CCDC93: variants seen among roughly 807,000 people sequenced by gnomAD.
CCDC93 encodes coiled-coil domain-containing protein 93.
A neutral mutation model predicts 108.2 loss-of-function variants in CCDC93; 61 were observed. The observed-to-expected ratio is 0.56, with a 90% confidence interval of 0.46 to 0.70. CCDC93 has a LOEUF of 0.70. Ranked by LOEUF, CCDC93 falls within the 30% of genes least tolerant of loss-of-function variation. CCDC93 has a pLI of 0.00. For synonymous variants in CCDC93, 276 were observed against 260.4 expected (o/e 1.06, Z -0.58); for missense variants, 685 against 764.2 (o/e 0.90, Z 1.22).
intron 10 of CCDC93, 143 bp downstream of exon 10, chr2:117,974,707 A>T (rs977496498): frequency 1.5e-6 from 1 of 649,810 alleles, no homozygotes; most frequent in African/African-American, 1.8e-5. Flanking sequence ...AAACAGATTA[A>T]CAAAAGGAAC....
chr2:117,933,078 G>T (rs902458285), intron 22 of CCDC93, among the ~76,000 whole-genome samples: 2 of 152,202 alleles, frequency 1.3e-5, no homozygotes, highest in Non-Finnish European at 2.9e-5. Flanking sequence ...GAAAGGCTGG[G>T]TTCAAATCCT....
intron 11 of CCDC93, among the ~76,000 whole-genome samples, chr2:117,959,144 G>A (rs1229188183): frequency 3.3e-5 from 5 of 152,158 alleles, no homozygotes; most frequent in African/African-American, 7.2e-5. Flanking sequence ...ATGATGAGGT[G>A]AATGTGATAA....
intron 10 of CCDC93, 36 bp downstream of exon 10, chr2:117,974,814 A>C (rs1475814648): frequency 2.0e-6 from 3 of 1,521,822 alleles, no homozygotes; most frequent in Non-Finnish European, 2.7e-6. Flanking sequence ...GGTGGTGCCA[A>C]GTCCCCATCC....
Position 117,952,429 on chromosome 2 carries a change from C to T in CCDC93, c.1012G>A (p.Ala338Thr). Reference sequence around the variant, plus strand: ...CTGGCTTGTAGGCTGGTGTGACTTGCTCGCAGCTGTAAATGAAAGATAAAA... The same window carrying T: ...CTGGCTTGTAGGCTGGTGTGACTTGTTCGCAGCTGTAAATGAAAGATAAAA... ...QKTKHLEELR[A>T]SHTSLQARYN... Residue 338 changes from alanine (A) to threonine (T), a missense_variant, in exon 13 of 24, where the codon GCA becomes ACA. Transcript: ENST00000376300. The T allele has an allele frequency of 6.2e-7, 1 of 1,611,668 alleles. No homozygotes were observed. The highest frequency in any genetic ancestry group is 8.5e-7 in the Non-Finnish European group (1 of 1,177,766).
At chr2:117,998,469 G>C (rs114556405) in intron 4 of CCDC93, 2 of 152,262 alleles carry the variant, frequency 1.3e-5, no homozygotes, top group African/African-American at 4.8e-5. Context: ...AAGCAAGATT[G>C]TAGTTATTTT....
intron 21 of CCDC93, 85 bp from the exon 22 acceptor site, chr2:117,935,664 AT>A: frequency 9.8e-7 from 1 of 1,025,122 alleles, no homozygotes; most frequent in Non-Finnish European, 1.5e-6. Flanking sequence ...CTGTATCCAG[AT>A]TATGACTCTT....
chr2:117,933,966 T>A (rs577366905), intron 22 of CCDC93: 1 of 152,268 alleles, frequency 6.6e-6, no homozygotes, highest in East Asian at 1.9e-4. Flanking sequence ...TTGACCCATT[T>A]GGCACCCACC....
Position 117,983,515 on chromosome 2 carries a change from G to C in CCDC93, c.620+2454C>G, listed in dbSNP as rs190536268. Among the ~76,000 whole-genome samples, 16 of 152,154 alleles carry C rather than the reference G, an allele frequency of 1.1e-4. No individual in the cohort carries two copies. The East Asian group carries it at 2.5e-3, about 24-fold the overall frequency. On this transcript the variant is annotated intron_variant, in intron 7 of 23. Coordinates refer to ENST00000376300, the MANE Select transcript of CCDC93 (RefSeq NM_019044.5). ...TGTAAGGGGAAAAGGTCATATCTGA[G>C]GGCATTTGAAAACTGAACTGTTGCT...
intron 23 of CCDC93, among the ~76,000 whole-genome samples, chr2:117,923,979 G>T (rs543955801): frequency 6.6e-6 from 1 of 152,154 alleles, no homozygotes; most frequent in East Asian, 1.9e-4. Flanking sequence ...ACCAATATCC[G>T]CTGTTCTGCA....
intron 3 of CCDC93, chr2:118,001,230 T>A (rs1680842790): frequency 1.3e-5 from 3 of 235,850 alleles, no homozygotes; most frequent in Non-Finnish European, 1.6e-5. Flanking sequence ...GTCGTTACTA[T>A]TTTTTAACTT....
chr2:117,944,035 G>C lies in CCDC93; in HGVS notation c.1402C>G (p.Arg468Gly). 1 of 1,603,778 alleles carries C rather than the reference G, an allele frequency of 6.2e-7. No individual in the cohort carries two copies. Among genetic ancestry groups the C allele is most frequent in the Non-Finnish European group, 8.5e-7 (1 of 1,175,456 alleles). ...NMEKEKLYKI[R>G]LLQARRNREI... ...CTTCTTTTACTCACCTGTAGTAAAC[G>C]TATCTTGTAAAGTTTCTCTTTCTCC... The change falls in exon 18 of 24, where the codon CGT (arginine) becomes GGT (glycine). Residue 468 changes from arginine (R) to glycine (G), a missense_variant. Physicochemically the swap from Arg to Gly is moderately radical, Grantham distance 125. Transcript: ENST00000376300.
chr2:117,967,744 C>G (rs542384751), intron 11 of CCDC93, among the ~76,000 whole-genome samples: 1 of 152,288 alleles, frequency 6.6e-6, no homozygotes, highest in Admixed American at 6.5e-5. Context: ...GATATAATAT[C>G]ACGTACTCAT....
rs984758099 is a variant in CCDC93 at position 117,919,378 on chromosome 2, G to A, written c.*965C>T. 7.2e-5 allele frequency: 11 copies of A among 152,140 alleles called. No homozygotes were observed. Among genetic ancestry groups the A allele is most frequent in the Non-Finnish European group, 4.4e-5 (3 of 68,092 alleles). 9.4% of individuals were successfully genotyped at this position (152,140 alleles called of 1,614,324 possible). The stretch of plus-strand genomic sequence containing the variant: ...AACATCCGATTCTCCCTTTAGATAG[G>A]GCTCAAATGCTGCCTCCTCCAGGAA... On this transcript the variant is annotated 3_prime_UTR_variant, in exon 24 of 24. Coordinates refer to ENST00000376300, the MANE Select transcript of CCDC93 (RefSeq NM_019044.5).
intron 12 of CCDC93, among the ~76,000 whole-genome samples, chr2:117,958,017 T>C (rs1231550693): frequency 6.6e-6 from 1 of 152,240 alleles, no homozygotes; most frequent in Non-Finnish European, 1.5e-5. Flanking sequence ...CACACAGTAG[T>C]GCTCGGTAGA....
chr2:117,955,351 C>T (rs1444953175), intron 12 of CCDC93, among the ~76,000 whole-genome samples: 1 of 152,014 alleles, frequency 6.6e-6, no homozygotes, highest in Non-Finnish European at 1.5e-5. Flanking sequence ...GCCTGTATGA[C>T]CTTGTAAAAG....
At chr2:117,931,372 A>ATT in intron 22 of CCDC93, 1 of 403,132 alleles carries the variant, frequency 2.5e-6, no homozygotes, top group South Asian at 3.8e-5. Flanking sequence ...AACTGTTTCC[A>ATT]TTTTTTTTTC....
In CCDC93 at chr2:118,014,064, C is replaced by T. The variant is rs768667847; in HGVS notation, c.-69G>A. The T allele has an allele frequency of 1.9e-6, 3 of 1,561,574 alleles. No individual in the cohort carries two copies. Among genetic ancestry groups the T allele is most frequent in the South Asian group, 1.2e-5 (1 of 84,576 alleles). Reference sequence around the variant, plus strand: ...CGTCCGGAGGAAGCTGTCCCTGCCGCGGAGCTGCTACCGGGGTGGAGTACA... The same window carrying T: ...CGTCCGGAGGAAGCTGTCCCTGCCGTGGAGCTGCTACCGGGGTGGAGTACA... On this transcript the variant is annotated 5_prime_UTR_variant, in exon 1 of 24. Transcript: ENST00000376300.
chr2:117,935,627 G>T, intron 21 of CCDC93, 48 bp from the exon 22 acceptor site: 1 of 1,375,256 alleles, frequency 7.3e-7, no homozygotes, highest in Non-Finnish European at 1.0e-6. Flanking sequence ...GGACTCTGAG[G>T]CAGGGGGAAA....
chr2:117,997,287 C>T (rs899087447), intron 4 of CCDC93: 2 of 152,214 alleles, frequency 1.3e-5, no homozygotes, highest in Non-Finnish European at 2.9e-5. Flanking sequence ...TCCACCCGCT[C>T]TGAGGGTAAG....
Sources: gnomAD v4.1 joint callset for allele counts (sites outside exome capture counted in the v4.1 genomes callset) on GRCh38, gnomAD v4.1.1 for gene constraint, MANE v1.5 for transcripts, NCBI Gene and HGNC (gene_info 2026-07-23, HGNC 2026-07-21) for gene names.